Variants in ACADS observed in about 807,000 individuals in gnomAD.
ACADS encodes the protein short-chain specific acyl-CoA dehydrogenase, mitochondrial.
A neutral mutation model predicts 46.8 loss-of-function variants in ACADS; 28 were observed. That is an observed-to-expected ratio of 0.60 (90% CI 0.44 to 0.82). The LOEUF is 0.82. ACADS is among the 40% of genes least tolerant of loss of function. The probability of loss-of-function intolerance (pLI) is 0.00; values close to 1 mark genes in which losing one functional copy is unlikely to be tolerated. For synonymous variants in ACADS, 236 were observed against 237.7 expected (o/e 0.99, Z 0.07); for missense variants, 528 against 578.0 (o/e 0.91, Z 0.89).
At chr12:120,737,162 C>T in intron 3 of ACADS, 27 bp downstream of exon 3, 1 of 1,562,666 alleles carries the variant, frequency 6.4e-7, no homozygotes. Context: ...GCCCCTGGGA[C>T]ACACGGGTGG....
rs1883555596 is a variant in ACADS at position 120,738,903 on chromosome 12, G to A, written c.1017G>A (p.Lys339=). 1.2e-6 allele frequency: 2 copies of A among 1,613,544 alleles called. No individual in the cohort carries two copies. Among genetic ancestry groups the A allele is most frequent in the African/African-American group, 1.3e-5 (1 of 74,950 alleles). ...WRAAMLKDNK[K]PFIKEAAMAK... ...CTGCCATGCTGAAGGATAACAAGAA[G>A]CCTTTCATCAAGGTGCCCACAGGGG... is the stretch of plus-strand genomic sequence containing the variant. Residue 339 remains lysine (K), a synonymous_variant, in exon 8 of 10, where the codon AAG becomes AAA. Transcript: ENST00000242592.
rs1566028681 is a variant in ACADS, at chr12:120,739,131, C to T, written c.1030-9C>T. ...CAAGGGAAGGCTCTGACTGTACCCCCATGTTTAGGAGGCAGCCATGGCCAA... is the reference window on the plus strand; with the variant it reads ...CAAGGGAAGGCTCTGACTGTACCCCTATGTTTAGGAGGCAGCCATGGCCAA... On this transcript the variant is annotated splice_polypyrimidine_tract_variant and intron_variant, in intron 8 of 9. Coordinates refer to ENST00000242592, the MANE Select transcript of ACADS (RefSeq NM_000017.4). The T allele has an allele frequency of 1.9e-6, 3 of 1,612,956 alleles. No individual in the cohort carries two copies. The highest frequency in any genetic ancestry group is 1.3e-5 in the African/African-American group (1 of 74,928).
In ACADS at chr12:120,739,765, C is replaced by A. The variant is rs373553465; in HGVS notation, c.*317C>A. On this transcript the variant is annotated 3_prime_UTR_variant, in exon 10 of 10. Coordinates refer to ENST00000242592, the MANE Select transcript of ACADS (RefSeq NM_000017.4). ...AGTTGTCCTCCCGCGGGCCCTGGTG[C>A]CCTGGCATGAAGGCCCAGTGCGACA... 7.2e-6 allele frequency: 3 copies of A among 414,028 alleles called. No individual in the cohort carries two copies. Among genetic ancestry groups the A allele is most frequent in the Non-Finnish European group, 1.3e-5 (3 of 223,146 alleles). 25.6% of individuals were successfully genotyped at this position (414,028 alleles called of 1,614,324 possible). A position where few individuals can be genotyped will look rare whatever the true frequency, so the allele number is the denominator to read the frequency against.
chr12:120,729,793 CCT>C (rs1883197867), intron 2 of ACADS, among the ~76,000 whole-genome samples: 1 of 152,056 alleles, frequency 6.6e-6, no homozygotes, highest in South Asian at 2.1e-4. Context: ...GGAAACAGCC[CCT>C]GTCACCACTG....
rs1883061905 is a variant in ACADS at position 120,725,835 on chromosome 12, C to T, written c.-51C>T. 6.6e-7 allele frequency: 1 copy of T among 1,522,204 alleles called. No individual in the cohort carries two copies. Among genetic ancestry groups the T allele is most frequent in the Non-Finnish European group, 8.8e-7 (1 of 1,140,432 alleles). 94.3% of individuals were successfully genotyped at this position (1,522,204 alleles called of 1,614,324 possible). A position where few individuals can be genotyped will look rare whatever the true frequency, so the allele number is the denominator to read the frequency against. On this transcript the variant is annotated 5_prime_UTR_variant, in exon 1 of 10. Transcript: ENST00000242592. ...GGTCCCGCCCCCCAGCACTCCGGAA[C>T]AGCGCGCTCGCAGCGGGAGGTCGCG...
rs1883593853 is a variant in ACADS, at chr12:120,739,569, G to GT, written c.*122dup. The GT allele has an allele frequency of 8.5e-7, 1 of 1,173,642 alleles. No individual in the cohort carries two copies. Among genetic ancestry groups the GT allele is most frequent in the South Asian group, 1.4e-5 (1 of 71,404 alleles). 72.7% of individuals were successfully genotyped at this position (1,173,642 alleles called of 1,614,324 possible). ...TCCCTGGGGACCCCAGATGGGCTCA[G>GT]TGCTGCCACCCAGATCAGATCACAT... is the stretch of plus-strand genomic sequence containing the variant. On this transcript the variant is annotated 3_prime_UTR_variant, in exon 10 of 10. Transcript: ENST00000242592.
rs1228320060 is a variant in ACADS at position 120,737,152 on chromosome 12, GC to G, written c.360+21del. 1.5e-5 allele frequency: 24 copies of G among 1,568,186 alleles called. No homozygotes were observed. Among genetic ancestry groups the G allele is most frequent in the African/African-American group, 2.7e-5 (2 of 73,876 alleles). The stretch of plus-strand genomic sequence containing the variant: ...GTCAACAACGTGAGCCCCCTCCCAG[GC>G]CCCTGGGACACACGGGTGGAGGGAG... On this transcript the variant is annotated intron_variant, in intron 3 of 9. Coordinates refer to ENST00000242592, the MANE Select transcript of ACADS (RefSeq NM_000017.4).
Position 120,725,871 on chromosome 12 carries a change from C to T in ACADS, c.-15C>T, listed in dbSNP as rs1325605993. On this transcript the variant is annotated 5_prime_UTR_variant, in exon 1 of 10. Transcript: ENST00000242592. ...CAGCGGGAGGTCGCGAAGCCTGGGACTGTGTCTGTCGCCCATGGCCGCCGC... is the reference window on the plus strand; with the variant it reads ...CAGCGGGAGGTCGCGAAGCCTGGGATTGTGTCTGTCGCCCATGGCCGCCGC... The T allele has an allele frequency of 3.9e-6, 6 of 1,547,078 alleles. No homozygotes were observed. Among genetic ancestry groups the T allele is most frequent in the Non-Finnish European group, 5.2e-6 (6 of 1,155,012 alleles).
At chr12:120,733,159 A>T (rs1037754381) in intron 2 of ACADS, among the ~76,000 whole-genome samples, 1 of 152,242 alleles carries the variant, frequency 6.6e-6, no homozygotes, top group Admixed American at 6.5e-5. Flanking sequence ...TGCAGTGAGC[A>T]GAGATGGCGG....
chr12:120,734,813 G>A (rs577216106), intron 2 of ACADS, among the ~76,000 whole-genome samples: 10 of 149,818 alleles, frequency 6.7e-5, no homozygotes, highest in East Asian at 6.0e-4. Flanking sequence ...GTGCAGTGGC[G>A]TGCTCTCGGT....
Position 120,739,577 on chromosome 12 carries a change from A to C in ACADS, c.*129A>C. ...GACCCCAGATGGGCTCAGTGCTGCC[A>C]CCCAGATCAGATCACATGGGAATGA... On this transcript the variant is annotated 3_prime_UTR_variant, in exon 10 of 10. Coordinates refer to ENST00000242592, the MANE Select transcript of ACADS (RefSeq NM_000017.4). The C allele has an allele frequency of 1.8e-6, 2 of 1,087,232 alleles. No homozygotes were observed. Among genetic ancestry groups the C allele is most frequent in the Non-Finnish European group, 2.6e-6 (2 of 760,616 alleles). The allele number at this position is 1,087,232 out of a possible 1,614,324, so 67.3% of individuals were successfully genotyped here.
At chr12:120,738,139 C>G (rs1002704924) in intron 5 of ACADS, 141 bp from the exon 6 acceptor site, 33 of 1,569,006 alleles carry the variant, frequency 2.1e-5, no homozygotes, top group South Asian at 6.9e-5. Flanking sequence ...GAAGCCTGCA[C>G]CTTCCCCAGA....
chr12:120,728,184 C>T lies in ACADS; in HGVS notation c.210+995C>T, dbSNP rs545855784. ...CTGGTCTCAAACTCCTGACCTTAGG[C>T]GATCTGCCCGCCTTGGCGTCCCAAA... is the stretch of plus-strand genomic sequence containing the variant. On this transcript the variant is annotated intron_variant, in intron 2 of 9. Transcript: ENST00000242592. The surrounding 1 kb of genome is among the most constrained non-coding windows in gnomAD (Gnocchi z 4.0). 7.5e-4 allele frequency among the ~76,000 whole-genome samples: 113 copies of T among 151,530 alleles called. No individual in the cohort carries two copies. Among genetic ancestry groups the T allele is most frequent in the African/African-American group, 2.2e-3 (90 of 41,308 alleles).
At chr12:120,737,276 C>G in intron 3 of ACADS, 80 bp from the exon 4 acceptor site, 1 of 1,538,124 alleles carries the variant, frequency 6.5e-7, no homozygotes, top group Non-Finnish European at 8.8e-7. Context: ...CTGGACAGAA[C>G]AGGCCCTGAG....
chr12:120,733,233 C>CG (rs960337665), intron 2 of ACADS, among the ~76,000 whole-genome samples: 3 of 150,854 alleles, frequency 2.0e-5, no homozygotes, highest in Admixed American at 6.6e-5. Context: ...AGAGGGAGAC[C>CG]GGGGGGAGAG....
rs1247784600 is a variant in ACADS, at chr12:120,725,840, C to G, written c.-46C>G. 1.3e-6 allele frequency: 2 copies of G among 1,523,654 alleles called. No homozygotes were observed. The highest frequency in any genetic ancestry group is 2.8e-5 in the African/African-American group (2 of 70,434). The allele number at this position is 1,523,654 out of a possible 1,614,324, so 94.4% of individuals were successfully genotyped here. A position where few individuals can be genotyped will look rare whatever the true frequency, so the allele number is the denominator to read the frequency against. On this transcript the variant is annotated 5_prime_UTR_variant, in exon 1 of 10. Coordinates refer to ENST00000242592, the MANE Select transcript of ACADS (RefSeq NM_000017.4). ...CGCCCCCCAGCACTCCGGAACAGCG[C>G]GCTCGCAGCGGGAGGTCGCGAAGCC...
In ACADS at chr12:120,732,604, C is replaced by T. The variant is rs1286662354; in HGVS notation, c.211-4382C>T. Among the ~76,000 whole-genome samples, 15 of 150,806 alleles carry T rather than the reference C, an allele frequency of 9.9e-5. 1 individual carries two copies. Among genetic ancestry groups the T allele is most frequent in the African/African-American group, 2.9e-4 (12 of 40,906 alleles). ...AGACGGGGTCGCGGCCGGGCAGAGG[C>T]GCTCCTCACATCCCAGACGGGGCAG... is the stretch of plus-strand genomic sequence containing the variant. On this transcript the variant is annotated intron_variant, in intron 2 of 9. Transcript: ENST00000242592.
chr12:120,737,339 C>G lies in ACADS; in HGVS notation c.361-17C>G. 6.2e-7 allele frequency: 1 copy of G among 1,611,586 alleles called. No homozygotes were observed. The highest frequency in any genetic ancestry group is 8.5e-7 in the Non-Finnish European group (1 of 1,178,572). On this transcript the variant is annotated splice_polypyrimidine_tract_variant and intron_variant, in intron 3 of 9. Coordinates refer to ENST00000242592, the MANE Select transcript of ACADS (RefSeq NM_000017.4). ...CCTGGGCCTGGGGCCTCCGACCGCT[C>G]CCCGCTGTCCTCCTAGTCTCTCTAC...
chr12:120,727,645 TC>T (rs1292027259), intron 2 of ACADS, among the ~76,000 whole-genome samples: 1 of 152,204 alleles, frequency 6.6e-6, no homozygotes, highest in Non-Finnish European at 1.5e-5. Context: ...CAAGTGATTC[TC>T]CTGCCTCAGC....
Sources: allele counts gnomAD v4.1 joint callset (sites outside exome capture counted in the v4.1 genomes callset), GRCh38; gene constraint gnomAD v4.1.1; non-coding constraint Gnocchi (gnomAD v3.1); transcripts MANE v1.5; gene names NCBI Gene and HGNC (gene_info 2026-07-23, HGNC 2026-07-21).